C2orf49: variants seen among roughly 807,000 people sequenced by gnomAD.
C2orf49 encodes tRNA-splicing ligase complex subunit ASW.
In C2orf49, 11 loss-of-function variants were observed where a neutral mutation model predicts 20.6. The ratio of observed to expected loss-of-function variants is 0.53; its 90% confidence interval spans 0.34 to 0.88. The LOEUF is 0.88. C2orf49 is among the 40% of genes least tolerant of loss of function. The pLI is 0.02. For synonymous variants in C2orf49, 134 were observed against 108.5 expected (o/e 1.24, Z -1.46); for missense variants, 289 against 274.2 (o/e 1.05, Z -0.38).
chr2:105,357,216 C>A, the C2orf49 span, among the ~76,000 whole-genome samples: 1 of 152,302 alleles, frequency 6.6e-6, no homozygotes, highest in South Asian at 2.1e-4. Flanking sequence ...TGGTTTCTCA[C>A]ATTTCTCTGA....
intron 1 of C2orf49, among the ~76,000 whole-genome samples, chr2:105,338,938 G>A (rs747034824): frequency 6.6e-6 from 1 of 152,210 alleles, no homozygotes; most frequent in Non-Finnish European, 1.5e-5. Context: ...GGAAAATGAG[G>A]AAGAATTTGG....
the C2orf49 span, chr2:105,363,265 G>A: frequency 1.2e-6 from 2 of 1,611,958 alleles, no homozygotes; most frequent in Non-Finnish European, 1.7e-6. Context: ...CCCTGGAAAT[G>A]GGAACCCCGG....
At chr2:105,342,769 C>A in intron 2 of C2orf49, 79 bp from the exon 3 acceptor site, 2 of 1,437,300 alleles carry the variant, frequency 1.4e-6, no homozygotes, top group Non-Finnish European at 1.9e-6. Context: ...TTGTTTACTG[C>A]TTATTTTAAC....
chr2:105,367,284 C>A, the C2orf49 span, among the ~76,000 whole-genome samples: 1 of 152,208 alleles, frequency 6.6e-6, no homozygotes, highest in Non-Finnish European at 1.5e-5. Flanking sequence ...GGCTCCCCTT[C>A]CCTCTAACCT....
At chr2:105,382,122 C>T in the C2orf49 span, among the ~76,000 whole-genome samples, 3 of 152,238 alleles carry the variant, frequency 2.0e-5, no homozygotes, top group South Asian at 6.2e-4. Flanking sequence ...CAAACATTAA[C>T]TGAGACTTTT....
chr2:105,342,883 T>TTC lies in C2orf49; in HGVS notation c.302_303insTC (p.Ile102ProfsTer13). ...GTAGATGGGTTAAGGAAAAGACCCC[T>TTC]CATCGTATTTGATGGAAGTTCAACA... On this transcript the variant is annotated frameshift_variant, in exon 3 of 4. Coordinates refer to ENST00000258457, the MANE Select transcript of C2orf49 (RefSeq NM_024093.3). LOFTEE classifies it high-confidence loss of function. The TTC allele has an allele frequency of 6.2e-7, 1 of 1,614,188 alleles. No individual in the cohort carries two copies. Among genetic ancestry groups the TTC allele is most frequent in the South Asian group, 1.1e-5 (1 of 91,092 alleles).
the C2orf49 span, among the ~76,000 whole-genome samples, chr2:105,383,918 A>G: frequency 6.6e-6 from 1 of 152,168 alleles, no homozygotes; most frequent in African/African-American, 2.4e-5. Context: ...GTATCTCAAA[A>G]CATTAATCCG....
At chr2:105,370,266 G>A in the C2orf49 span, among the ~76,000 whole-genome samples, 5 of 151,902 alleles carry the variant, frequency 3.3e-5, no homozygotes, top group African/African-American at 9.7e-5. Flanking sequence ...TCCTAGACAC[G>A]TAGGAGGCTG....
chr2:105,379,847 T>C, the C2orf49 span, among the ~76,000 whole-genome samples: 1 of 152,244 alleles, frequency 6.6e-6, no homozygotes, highest in African/African-American at 2.4e-5. Context: ...CAAAGCTTCC[T>C]TGGCCAGGGC....
chr2:105,356,445 C>T, the C2orf49 span, among the ~76,000 whole-genome samples: 1,230 of 152,006 alleles, frequency 8.1e-3, 17 homozygotes, highest in African/African-American at 0.028. Context: ...CATGGTGGTG[C>T]GTGCCTGTAG....
chr2:105,370,767 G>C, the C2orf49 span, among the ~76,000 whole-genome samples: 1 of 152,182 alleles, frequency 6.6e-6, no homozygotes, highest in East Asian at 1.9e-4. Flanking sequence ...CATACACCGG[G>C]ATTCTTCTAG....
chr2:105,362,152 A>T, the C2orf49 span, among the ~76,000 whole-genome samples: 1 of 152,208 alleles, frequency 6.6e-6, no homozygotes, highest in Admixed American at 6.5e-5. Context: ...ACCTCAACAG[A>T]AGTTACTGCT....
chr2:105,355,770 T>TGTGTGTG, the C2orf49 span, among the ~76,000 whole-genome samples: 3,105 of 143,158 alleles, frequency 0.022, 52 homozygotes, highest in Non-Finnish European at 0.03. Context: ...AGAAAAAATT[T>TGTGTGTG]TGTGTGTGTG....
intron 2 of C2orf49, among the ~76,000 whole-genome samples, chr2:105,341,701 G>C (rs1679673704): frequency 6.6e-6 from 1 of 152,170 alleles, no homozygotes. Flanking sequence ...CTGGTTAAAA[G>C]GTGAGTTCTG....
the C2orf49 span, chr2:105,378,170 G>A: frequency 2.1e-6 from 1 of 471,154 alleles, no homozygotes; most frequent in Non-Finnish European, 4.4e-6. Flanking sequence ...CCAAGGCACT[G>A]CAGAATTCCA....
chr2:105,367,610 T>C, the C2orf49 span: 2 of 1,614,210 alleles, frequency 1.2e-6, no homozygotes, highest in Non-Finnish European at 1.7e-6. Flanking sequence ...TTGTTTCTCA[T>C]AGCAGGGCAC....
At chr2:105,383,521 G>A in the C2orf49 span, among the ~76,000 whole-genome samples, 1 of 152,194 alleles carries the variant, frequency 6.6e-6, no homozygotes, top group Non-Finnish European at 1.5e-5. Context: ...TCTCATTTAA[G>A]TAGGTCAGGA....
At chr2:105,357,524 A>T in the C2orf49 span, among the ~76,000 whole-genome samples, 2 of 152,230 alleles carry the variant, frequency 1.3e-5, no homozygotes, top group Non-Finnish European at 2.9e-5. Context: ...CTCAAGTCTC[A>T]TATAAAATGG....
intron 3 of C2orf49, among the ~76,000 whole-genome samples, chr2:105,343,699 A>T (rs898371713): frequency 6.6e-6 from 1 of 152,174 alleles, no homozygotes; most frequent in African/African-American, 2.4e-5. Flanking sequence ...TGCCTCGCCT[A>T]CTGCTCAATT....
Sources: gnomAD v4.1 joint callset for allele counts (sites outside exome capture counted in the v4.1 genomes callset) on GRCh38, gnomAD v4.1.1 for gene constraint, MANE v1.5 for transcripts, NCBI Gene and HGNC (gene_info 2026-07-23, HGNC 2026-07-21) for gene names.